RPAP1: variants seen among roughly 807,000 people sequenced by gnomAD.
RPAP1 encodes RNA polymerase II associated protein 1, also known as RNA polymerase II-associated protein 1.
In RPAP1, 109 loss-of-function variants were observed where a neutral mutation model predicts 142.4. The ratio of observed to expected loss-of-function variants is 0.77; its 90% CI spans 0.66 to 0.90. RPAP1 has a LOEUF of 0.90. Among genes scored for constraint, RPAP1 ranks in the 40% least tolerant of loss-of-function variants. RPAP1 has a pLI of 0.00. For missense variants in RPAP1, 1,546 were observed against 1,751.7 expected, an observed-to-expected ratio of 0.88 and a Z score of 2.10; for synonymous variants, 704 against 738.9, an observed-to-expected ratio of 0.95 and a Z score of 0.77.
In RPAP1 at chr15:41,543,201, CTTTTTTTTT is replaced by C. The variant is rs71104794; in HGVS notation, c.-77+1009_-77+1017del. Among the ~76,000 whole-genome samples, 5 of 78,964 alleles carry C rather than the reference CTTTTTTTTT, an allele frequency of 6.3e-5. No homozygotes were observed. In the East Asian group the frequency reaches 2.2e-3, roughly 35 times the overall value. 51.8% of individuals were successfully genotyped at this position (78,964 alleles called of 152,430 possible). A position where few individuals can be genotyped will look rare whatever the true frequency, so the allele number is the denominator to read the frequency against. On this transcript the variant is annotated intron_variant, in intron 1 of 24. Coordinates refer to ENST00000304330, the MANE Select transcript of RPAP1 (RefSeq NM_015540.4). ...AATTAGGCAAATTATCAATGCTGTC[CTTTTTTTTT>C]TTTTTTTTTTTTTTTTGAGACAGAT... is the stretch of plus-strand genomic sequence containing the variant.
intron 15 of RPAP1, 105 bp downstream of exon 15, chr15:41,524,886 C>G: frequency 8.2e-7 from 1 of 1,215,486 alleles, no homozygotes; most frequent in Non-Finnish European, 1.2e-6. Context: ...TCATTCTTAT[C>G]CTTCCTCCAA....
In RPAP1 at chr15:41,524,156, A is replaced by T. The variant is rs148404660; in HGVS notation, c.2174T>A (p.Leu725Gln). ...GGTTAGCTGGGTGAGGAGAGTGAGC[A>T]GTGAGGCTATCCGCTGCATGGACAG... is the stretch of plus-strand genomic sequence containing the variant. Reference protein sequence around the residue: ...QPLSMQRIASLLTLLTQLTLA... With the variant: ...QPLSMQRIASQLTLLTQLTLA... The change falls in exon 16 of 25, where the codon CTG becomes CAG. Residue 725 changes from leucine (L) to glutamine (Q), a missense_variant. This residue lies in a region of RPAP1 where 1,333 missense variants were observed against 1,486.6 expected (regional missense o/e 0.90). Coordinates refer to ENST00000304330, the MANE Select transcript of RPAP1 (RefSeq NM_015540.4). 4.9e-5 allele frequency: 79 copies of T among 1,599,474 alleles called. No homozygotes were observed. The highest frequency in any genetic ancestry group is 1.7e-4 in the Middle Eastern group (1 of 6,010).
chr15:41,518,236 C>T (rs1042487016), intron 22 of RPAP1, 54 bp from the exon 23 acceptor site: 178 of 1,465,048 alleles, frequency 1.2e-4, no homozygotes, highest in Non-Finnish European at 1.6e-4. Context: ...TATATACATA[C>T]ATAAGGTGTG....
chr15:41,521,811 G>A lies in RPAP1; in HGVS notation c.2965C>T (p.Arg989Trp), dbSNP rs754660450. Residue 989 changes from arginine (R) to tryptophan (W), a missense_variant, in exon 21 of 25, where the codon CGG (arginine) becomes TGG (tryptophan). By Grantham distance (101) the Arg-to-Trp change is moderately radical. Around this residue, in one of 3 missense-constraint regions of RPAP1, gnomAD observed 1,333 missense variants for 1,486.6 expected, o/e 0.90. Transcript: ENST00000304330. ...AGGTACTCACTTCCGGGCAGCAGCC[G>A]GCTCAGCAGGGCCAAGGCCATACCA... ...YHGMALALLS[R>W]LLPGSEYLTH... 6.2e-6 allele frequency: 10 copies of A among 1,614,064 alleles called. No individual in the cohort carries two copies. In the South Asian group the frequency reaches 6.6e-5, roughly 11 times the overall value.
chr15:41,543,201 CTTTTTTTTTTTTTTTTT>C (rs71104794), intron 1 of RPAP1, among the ~76,000 whole-genome samples: 9 of 78,938 alleles, frequency 1.1e-4, no homozygotes, highest in African/African-American at 4.4e-4. Context: ...CAATGCTGTC[CTTTTTTTTTTTTTTTTT>C]TTTTTTTTGA....
rs75468981 is a variant in RPAP1 at position 41,527,763 on chromosome 15, C to T, written c.1428+97G>A. On this transcript the variant is annotated intron_variant, in intron 11 of 24. Transcript: ENST00000304330. Reference sequence around the variant, plus strand: ...AGACGCCTGCCATCCCATTCTACATCTTGCCCGCAAAGCCTTAGCAATGGG... The same window carrying T: ...AGACGCCTGCCATCCCATTCTACATTTTGCCCGCAAAGCCTTAGCAATGGG... 1.7e-3 allele frequency: 2,567 copies of T among 1,522,368 alleles called. 48 individuals are homozygous for T. In the African/African-American group the frequency reaches 0.032, roughly 19 times the overall value. The allele number at this position is 1,522,368 out of a possible 1,614,324, so 94.3% of individuals were successfully genotyped here. A position where few individuals can be genotyped will look rare whatever the true frequency, so the allele number is the denominator to read the frequency against.
rs146665850 is a variant in RPAP1 at position 41,524,398 on chromosome 15, A to G, written c.2076-144T>C. On this transcript the variant is annotated intron_variant, in intron 15 of 24. Transcript: ENST00000304330. ...GGGCACTCTTGGAAGGCTCAGCCCT[A>G]AAGAATGGAAAGGATGTTGTCCTTC... The G allele has an allele frequency of 5.3e-5, 32 of 603,088 alleles. No individual in the cohort carries two copies. In the East Asian group the frequency reaches 9.7e-4, roughly 18 times the overall value. The allele number at this position is 603,088 out of a possible 1,614,324, so 37.4% of individuals were successfully genotyped here.
chr15:41,517,614 C>G lies in RPAP1; in HGVS notation c.4110G>C (p.Leu1370Phe). ...GGAGGTAGTGCTGACGCAGAGGGGG[C>G]AACTGAGAATAGAGCTCAAAGCCCT... ...LPEGFELYSQ[L>F]PPLRQHYLQR... The change falls in exon 25 of 25, where the codon TTG becomes TTC. Residue 1370 changes from leucine (L) to phenylalanine (F), a missense_variant. Transcript: ENST00000304330. 6.2e-7 allele frequency: 1 copy of G among 1,610,898 alleles called. No individual in the cohort carries two copies. Among genetic ancestry groups the G allele is most frequent in the Non-Finnish European group, 8.5e-7 (1 of 1,178,338 alleles).
rs144376568 is a variant in RPAP1 at position 41,521,044 on chromosome 15, C to T, written c.3142G>A (p.Ala1048Thr). ...CGGATGCTGGGGAGGTCCTGGCAGG[C>T]CTGAGCCAGCAGAGTCCCTTGCCCA... ...RCGQGTLLAQ[A>T]CQDLPSIRNC... The change falls in exon 22 of 25, where the codon GCC becomes ACC. Residue 1048 changes from alanine (A) to threonine (T), a missense_variant. Coordinates refer to ENST00000304330, the MANE Select transcript of RPAP1 (RefSeq NM_015540.4). The T allele has an allele frequency of 9.0e-5, 143 of 1,590,790 alleles. No individual in the cohort carries two copies. In the African/African-American group the frequency reaches 1.7e-3, roughly 19 times the overall value.
intron 14 of RPAP1, 72 bp downstream of exon 14, chr15:41,526,826 G>A (rs1185756028): frequency 1.1e-5 from 16 of 1,459,518 alleles, no homozygotes; most frequent in Non-Finnish European, 1.5e-5. Context: ...CCAGAGTTCA[G>A]GAGCCATGTT....
At chr15:41,527,323 C>T in intron 12 of RPAP1, 22 bp from the exon 13 acceptor site, 2 of 1,613,914 alleles carry the variant, frequency 1.2e-6, no homozygotes, top group Non-Finnish European at 1.7e-6. Flanking sequence ...AGAGAGAAAC[C>T]CACTGACAAA....
At chr15:41,541,423 G>GAAAA (rs34842966) in intron 1 of RPAP1, among the ~76,000 whole-genome samples, 1 of 88,488 alleles carries the variant, frequency 1.1e-5, no homozygotes. Flanking sequence ...ACTCCATCTT[G>GAAAA]AAAAAAAAAA....
Position 41,525,078 on chromosome 15 carries a change from G to T in RPAP1, c.1988C>A (p.Pro663His), listed in dbSNP as rs750029183. The change falls in exon 15 of 25, where the codon CCC becomes CAC. Residue 663 changes from proline to histidine, a missense_variant. Coordinates refer to ENST00000304330, the MANE Select transcript of RPAP1 (RefSeq NM_015540.4). ...GCTCAGCATCTCAGCTTCCTCTGGG[G>T]GCAAGGCCAGTTCTTGGGGAGCCTC... is the stretch of plus-strand genomic sequence containing the variant. The part of the protein sequence containing the change: ...IAEAPQELAL[P>H]PEEAEMLSTE... 11 of 1,614,040 alleles carry T rather than the reference G, an allele frequency of 6.8e-6. No homozygotes were observed. The highest frequency in any genetic ancestry group is 1.1e-5 in the South Asian group (1 of 91,074).
Position 41,536,186 on chromosome 15 carries a change from C to T in RPAP1, c.363G>A (p.Leu121=). 6.2e-7 allele frequency: 1 copy of T among 1,614,178 alleles called. No homozygotes were observed. Among genetic ancestry groups the T allele is most frequent in the Non-Finnish European group, 8.5e-7 (1 of 1,180,032 alleles). ...GGAAAGCAACACCACTGGGCACAGG[C>T]AGATTCACGGCCACTGAACTTGTAT... ...ERDTSSVAVN[L]PVPSGVAFPA... Residue 121 remains leucine, a synonymous_variant, in exon 4 of 25, where the codon CTG becomes CTA. Transcript: ENST00000304330.
At position 41,535,542 on chromosome 15, in the gene RPAP1, C is replaced by G. The variant is rs2051897960; in HGVS notation, c.511G>C (p.Glu171Gln). 3 of 1,613,418 alleles carry G rather than the reference C, an allele frequency of 1.9e-6. No homozygotes were observed. The highest frequency in any genetic ancestry group is 2.5e-6 in the Non-Finnish European group (3 of 1,179,860). Reference protein sequence around the residue: ...IAEAKGPSVGEVVPNVGPPEG... With the variant: ...IAEAKGPSVGQVVPNVGPPEG... ...GGTGGGCCCACGTTGGGCACAACTT[C>G]CCCAACTGATGGGCCCTTGGCTTCA... is the stretch of plus-strand genomic sequence containing the variant. The change falls in exon 5 of 25, where the codon GAA (glutamate) becomes CAA (glutamine). Residue 171 changes from glutamate to glutamine, a missense_variant. By Grantham distance (29) the Glu-to-Gln change is conservative. Around this residue, in one of 3 missense-constraint regions of RPAP1, gnomAD observed 1,333 missense variants for 1,486.6 expected, o/e 0.90. Coordinates refer to ENST00000304330, the MANE Select transcript of RPAP1 (RefSeq NM_015540.4).
intron 6 of RPAP1, among the ~76,000 whole-genome samples, chr15:41,532,727 C>G (rs1021417621): frequency 3.3e-5 from 5 of 151,932 alleles, no homozygotes; most frequent in Non-Finnish European, 5.9e-5. Context: ...AAAAAAATCG[C>G]AGCACTTCAG....
In RPAP1 at chr15:41,517,607, G is replaced by C. The variant is rs1378481507; in HGVS notation, c.4117C>G (p.Leu1373Val). 1 of 1,610,506 alleles carries C rather than the reference G, an allele frequency of 6.2e-7. No homozygotes were observed. Among genetic ancestry groups the C allele is most frequent in the Non-Finnish European group, 8.5e-7 (1 of 1,178,100 alleles). ...GFELYSQLPP[L>V]RQHYLQRLTS... is the part of the protein sequence containing the mutation. ...AGTCTCTGGAGGTAGTGCTGACGCA[G>C]AGGGGGCAACTGAGAATAGAGCTCA... The change falls in exon 25 of 25, where the codon CTG becomes GTG. Residue 1373 changes from leucine to valine, a missense_variant. Around this residue, in one of 3 missense-constraint regions of RPAP1, gnomAD observed 210 missense variants for 248.0 expected, o/e 0.85. Coordinates refer to ENST00000304330, the MANE Select transcript of RPAP1 (RefSeq NM_015540.4).
chr15:41,517,633 A>G lies in RPAP1; in HGVS notation c.4091T>C (p.Phe1364Ser). ...KLPNSTLPEG[F>S]ELYSQLPPLR... Reference sequence around the variant, plus strand: ...AGGGGGCAACTGAGAATAGAGCTCAAAGCCCTCTGGGAGCGTGGAATTGGG... The same window carrying G: ...AGGGGGCAACTGAGAATAGAGCTCAGAGCCCTCTGGGAGCGTGGAATTGGG... Residue 1364 changes from phenylalanine to serine, a missense_variant, in exon 25 of 25, where the codon TTT (phenylalanine) becomes TCT (serine). Coordinates refer to ENST00000304330, the MANE Select transcript of RPAP1 (RefSeq NM_015540.4). The G allele has an allele frequency of 1.2e-6, 2 of 1,612,642 alleles. No homozygotes were observed.
chr15:41,534,961 A>G, intron 5 of RPAP1, 26 bp from the exon 6 acceptor site: 2 of 1,607,450 alleles, frequency 1.2e-6, no homozygotes, highest in Non-Finnish European at 1.7e-6. Flanking sequence ...GATCACATTC[A>G]TTGCTCTGTC....
Sources: allele counts gnomAD v4.1 joint callset (sites outside exome capture counted in the v4.1 genomes callset), GRCh38; gene constraint gnomAD v4.1.1; regional missense constraint gnomAD v4.1.1; transcripts MANE v1.5; gene names NCBI Gene and HGNC (gene_info 2026-07-23, HGNC 2026-07-21).